Variants in SOX5 observed in about 807,000 individuals in gnomAD.
SOX5 encodes the protein SRY-box transcription factor 5.
Under a neutral mutation model 92.0 loss-of-function variants are expected in SOX5, and 9 were observed. That is an observed-to-expected ratio of 0.10 (90% CI 0.06 to 0.17). The LOEUF (loss-of-function observed/expected upper bound fraction) is 0.17. SOX5 is among the 10% of genes least tolerant of loss of function. The pLI is 1.00. For missense variants in SOX5, 642 were observed against 944.5 expected (o/e 0.68, Z 4.20); for synonymous variants, 344 against 336.3 (o/e 1.02, Z -0.25).
chr12:24,216,705 A>G (rs1251297349), intron 3 of SOX5, among the ~76,000 whole-genome samples: 2 of 152,134 alleles, frequency 1.3e-5, no homozygotes, highest in African/African-American at 2.4e-5. Flanking sequence ...GAGGGCGGAT[A>G]CCTTGAGGTT....
intron 7 of SOX5, among the ~76,000 whole-genome samples, chr12:23,641,532 A>G (rs1463397568): frequency 1.3e-5 from 2 of 152,032 alleles, no homozygotes; most frequent in Non-Finnish European, 2.9e-5. Flanking sequence ...GACATTTTTT[A>G]TCTATTAAAA....
At chr12:23,946,554 A>G (rs966212448) in intron 1 of SOX5, among the ~76,000 whole-genome samples, 2 of 152,042 alleles carry the variant, frequency 1.3e-5, no homozygotes, top group Non-Finnish European at 2.9e-5. Flanking sequence ...AAAGTAGGTG[A>G]CATTCTCAAA....
At chr12:24,394,090 T>G (rs1402381089) in intron 1 of SOX5, among the ~76,000 whole-genome samples, 1 of 152,036 alleles carries the variant, frequency 6.6e-6, no homozygotes, top group Non-Finnish European at 1.5e-5. Context: ...TTTCAGGCAT[T>G]TTTCTCGTTA....
In SOX5 at chr12:23,529,759, ACT is replaced by A. The variant is rs1378838192; in HGVS notation, c.*4458_*4459del. 6 of 152,150 alleles carry A rather than the reference ACT, an allele frequency of 3.9e-5. No homozygotes were observed. Among genetic ancestry groups the A allele is most frequent in the South Asian group, 2.1e-4 (1 of 4,824 alleles). 9.4% of individuals were successfully genotyped at this position (152,150 alleles called of 1,614,324 possible). On this transcript the variant is annotated 3_prime_UTR_variant, in exon 15 of 15. Transcript: ENST00000451604. Reference sequence around the variant, plus strand: ...GTTATGAACAAAATATAAATCTATAACTCTATGTTATATTTACATAATTACTT... The same window carrying A: ...GTTATGAACAAAATATAAATCTATAACTATGTTATATTTACATAATTACTT...
At chr12:23,643,183 T>C (rs184689556) in intron 7 of SOX5, among the ~76,000 whole-genome samples, 1 of 150,868 alleles carries the variant, frequency 6.6e-6, no homozygotes, top group East Asian at 2.0e-4. Context: ...ATTTAAATGG[T>C]ATAACTGGTA....
chr12:23,859,023 G>T (rs181868256), intron 2 of SOX5, among the ~76,000 whole-genome samples: 2 of 152,104 alleles, frequency 1.3e-5, no homozygotes, highest in Non-Finnish European at 1.5e-5. Flanking sequence ...ATTAGCTGAG[G>T]ATGTATGTCA....
intron 3 of SOX5, among the ~76,000 whole-genome samples, chr12:23,816,180 T>C (rs1049785581): frequency 6.6e-6 from 1 of 150,930 alleles, no homozygotes; most frequent in African/African-American, 2.4e-5. Context: ...CAAAATCTAA[T>C]GGAGGAGAGA....
rs556909641 is a variant in SOX5 at position 23,977,519 on chromosome 12, C to T, written c.-1-81495G>A. Among the ~76,000 whole-genome samples the T allele has an allele frequency of 5.9e-5, 9 of 152,080 alleles. No homozygotes were observed. The East Asian group carries it at 1.4e-3, about 23-fold the overall frequency. On this transcript the variant is annotated intron_variant, in intron 4 of 4. Coordinates refer to the SOX5 transcript ENST00000446891. ...ATCCCATCTCTACTAAAGAATTAGC[C>T]GGGACCGGTGGTGCATGCCTGTTAT...
At chr12:24,417,935 G>A (rs147769632) in intron 1 of SOX5, among the ~76,000 whole-genome samples, 3 of 152,282 alleles carry the variant, frequency 2.0e-5, no homozygotes, top group Non-Finnish European at 2.9e-5. Flanking sequence ...GGTTTTCACT[G>A]AGCTCATTTA....
intron 3 of SOX5, among the ~76,000 whole-genome samples, chr12:23,834,207 T>C (rs1371573304): frequency 6.6e-6 from 1 of 151,876 alleles, no homozygotes; most frequent in East Asian, 1.9e-4. Context: ...GAACGGCATA[T>C]AAAACAGCAC....
chr12:24,192,093 A>G (rs1956582400), intron 4 of SOX5, among the ~76,000 whole-genome samples: 1 of 152,238 alleles, frequency 6.6e-6, no homozygotes, highest in Non-Finnish European at 1.5e-5. Context: ...AAACTTTGTA[A>G]GCAGGTAAGT....
chr12:24,453,894 A>G (rs2137372446), intron 1 of SOX5, among the ~76,000 whole-genome samples: 1 of 152,312 alleles, frequency 6.6e-6, no homozygotes, highest in East Asian at 1.9e-4. Context: ...GCATGACATA[A>G]TAGCTCTTTC....
At chr12:23,785,437 A>G (rs1190645878) in intron 3 of SOX5, among the ~76,000 whole-genome samples, 1 of 152,176 alleles carries the variant, frequency 6.6e-6, no homozygotes, top group Admixed American at 6.5e-5. Flanking sequence ...CAAGCGGTGG[A>G]ATGTTGCAAA....
At chr12:24,326,530 A>G (rs1950697617) in intron 2 of SOX5, among the ~76,000 whole-genome samples, 1 of 151,996 alleles carries the variant, frequency 6.6e-6, no homozygotes, top group Non-Finnish European at 1.5e-5. Flanking sequence ...ATAGTTGGTG[A>G]GTAAATATTT....
At chr12:24,053,131 G>A (rs1283156959) in intron 4 of SOX5, among the ~76,000 whole-genome samples, 2 of 150,818 alleles carry the variant, frequency 1.3e-5, no homozygotes, top group Non-Finnish European at 2.9e-5. Context: ...GTGGTATCCT[G>A]TAATGTTACA....
chr12:23,575,957 A>C, intron 9 of SOX5, 119 bp from the exon 10 acceptor site: 3 of 713,440 alleles, frequency 4.2e-6, no homozygotes, highest in Non-Finnish European at 4.5e-6. Context: ...CAGTGATCTT[A>C]ACATTCATTC....
chr12:23,681,093 GA>G (rs949938961), intron 6 of SOX5, among the ~76,000 whole-genome samples: 4 of 151,926 alleles, frequency 2.6e-5, no homozygotes, highest in African/African-American at 9.7e-5. Context: ...AATATTTGAA[GA>G]AAAAATGAGC....
chr12:24,360,182 G>C (rs1321851574), intron 2 of SOX5, among the ~76,000 whole-genome samples: 8 of 152,052 alleles, frequency 5.3e-5, no homozygotes, highest in Non-Finnish European at 1.0e-4. Context: ...TCCTCAAATA[G>C]GTTAATTACA....
chr12:23,872,976 A>C (rs191275414), intron 2 of SOX5, among the ~76,000 whole-genome samples: 1 of 152,228 alleles, frequency 6.6e-6, no homozygotes, highest in South Asian at 2.1e-4. Context: ...TGCGTCGTCA[A>C]AATGACCATT....
Sources: allele counts gnomAD v4.1 joint callset (sites outside exome capture counted in the v4.1 genomes callset), GRCh38; gene constraint gnomAD v4.1.1; transcripts MANE v1.5; gene names NCBI Gene and HGNC (gene_info 2026-07-23, HGNC 2026-07-21).